The following HCRTR2 variants were observed in gnomAD, a reference collection of about 807,000 sequenced individuals.
HCRTR2 encodes the protein orexin receptor type 2.
A neutral mutation model predicts 49.0 loss-of-function variants in HCRTR2; 22 were observed. The observed-to-expected ratio is 0.45, with a 90% confidence interval of 0.32 to 0.64. The LOEUF is 0.64. Among genes scored for constraint, HCRTR2 ranks in the 30% least tolerant of loss-of-function variants. The probability of loss-of-function intolerance (pLI) is 0.04; values close to 1 mark genes in which losing one functional copy is unlikely to be tolerated. For missense variants in HCRTR2, 491 were observed against 559.4 expected (o/e 0.88, Z 1.23); for synonymous variants, 236 against 205.3 (o/e 1.15, Z -1.28).
At chr6:55,130,893 C>T (rs967543147) in intron 1 of HCRTR2, among the ~76,000 whole-genome samples, 1 of 151,968 alleles carries the variant, frequency 6.6e-6, no homozygotes, top group South Asian at 2.1e-4. Context: ...GGCAAATCTT[C>T]ATGTACAAAA....
intron 2 of HCRTR2, among the ~76,000 whole-genome samples, chr6:55,253,617 G>A (rs558385992): frequency 1.3e-5 from 2 of 152,146 alleles, no homozygotes; most frequent in African/African-American, 4.8e-5. Flanking sequence ...ACAAAAACGT[G>A]GAATCAACCT....
intron 1 of HCRTR2, among the ~76,000 whole-genome samples, chr6:55,133,687 ATC>A (rs1561982270): frequency 6.7e-5 from 10 of 149,948 alleles, no homozygotes; most frequent in African/African-American, 2.5e-4. Context: ...CTATCTATCT[ATC>A]TATCTATCTA....
At chr6:55,206,329 T>G (rs1435336636) in intron 1 of HCRTR2, among the ~76,000 whole-genome samples, 2 of 152,088 alleles carry the variant, frequency 1.3e-5, no homozygotes, top group Non-Finnish European at 2.9e-5. Flanking sequence ...AATGTAAAAT[T>G]GCAAGACAAT....
At chr6:55,263,907 C>T (rs1562026666) in intron 4 of HCRTR2, 85 bp downstream of exon 4, 3 of 862,844 alleles carry the variant, frequency 3.5e-6, no homozygotes, top group Admixed American at 2.0e-5. Flanking sequence ...TTTGTCTGTG[C>T]TTTTTTTTTA....
intron 1 of HCRTR2, among the ~76,000 whole-genome samples, chr6:55,123,715 T>A (rs1350410695): frequency 1.3e-5 from 2 of 152,212 alleles, no homozygotes; most frequent in Non-Finnish European, 2.9e-5. Flanking sequence ...CAGCTCCTTT[T>A]TCTACCTCTG....
At chr6:55,274,598 A>T (rs538665384) in intron 4 of HCRTR2, among the ~76,000 whole-genome samples, 1 of 151,940 alleles carries the variant, frequency 6.6e-6, no homozygotes, top group South Asian at 2.1e-4. Context: ...TTCTTCTTGT[A>T]TTGGCTCAAA....
chr6:55,251,136 C>T (rs1437632410), intron 2 of HCRTR2, among the ~76,000 whole-genome samples: 1 of 152,048 alleles, frequency 6.6e-6, no homozygotes, highest in African/African-American at 2.4e-5. Flanking sequence ...ACTTATATCC[C>T]TGATATGATA....
chr6:55,203,515 A>G (rs1257022812), intron 1 of HCRTR2, among the ~76,000 whole-genome samples: 1 of 152,196 alleles, frequency 6.6e-6, no homozygotes, highest in Admixed American at 6.5e-5. Flanking sequence ...ACAAGTAGTA[A>G]GTAAAATATG....
chr6:55,146,590 A>AC (rs1554167999), intron 1 of HCRTR2, among the ~76,000 whole-genome samples: 1 of 149,114 alleles, frequency 6.7e-6, no homozygotes, highest in African/African-American at 2.5e-5. Flanking sequence ...AAAAAAAAAA[A>AC]AACAAGCTTT....
Position 55,174,541 on chromosome 6 carries a change from G to C in HCRTR2, c.-47G>C, listed in dbSNP as rs201875216. The C allele has an allele frequency of 6.7e-7, 1 of 1,483,906 alleles. No homozygotes were observed. The highest frequency in any genetic ancestry group is 1.4e-5 in the African/African-American group (1 of 72,320). The allele number at this position is 1,483,906 out of a possible 1,614,324, so 91.9% of individuals were successfully genotyped here. A position where few individuals can be genotyped will look rare whatever the true frequency, so the allele number is the denominator to read the frequency against. ...CAAATCACCAGTGCTCATGGGGCAG[G>C]CGGAGAGGAGCTTGCAGCATTGAGC... On this transcript the variant is annotated 5_prime_UTR_variant, in exon 1 of 7. Coordinates refer to ENST00000370862, the MANE Select transcript of HCRTR2 (RefSeq NM_001384272.1).
chr6:55,140,244 T>C (rs1764489204), intron 1 of HCRTR2, among the ~76,000 whole-genome samples: 1 of 152,184 alleles, frequency 6.6e-6, no homozygotes, highest in Non-Finnish European at 1.5e-5. Flanking sequence ...GCCTCCTTTT[T>C]TCCATTATAT....
At chr6:55,240,013 G>A (rs1012737544) in intron 1 of HCRTR2, among the ~76,000 whole-genome samples, 3 of 151,828 alleles carry the variant, frequency 2.0e-5, no homozygotes, top group African/African-American at 7.3e-5. Context: ...CTGACCGCGG[G>A]TGATCCCCCC....
chr6:55,232,433 A>T (rs1307761068), intron 1 of HCRTR2, among the ~76,000 whole-genome samples: 1 of 152,186 alleles, frequency 6.6e-6, no homozygotes, highest in Non-Finnish European at 1.5e-5. Context: ...TCTTTCCTTG[A>T]ATAGAGTCGA....
At chr6:55,235,265 T>C (rs1181263766) in intron 1 of HCRTR2, among the ~76,000 whole-genome samples, 1 of 152,082 alleles carries the variant, frequency 6.6e-6, no homozygotes, top group African/African-American at 2.4e-5. Context: ...TACAAGGGTA[T>C]GTACACTCTG....
At chr6:55,266,695 G>T (rs1431102607) in intron 4 of HCRTR2, among the ~76,000 whole-genome samples, 1 of 151,978 alleles carries the variant, frequency 6.6e-6, no homozygotes, top group Non-Finnish European at 1.5e-5. Flanking sequence ...TTTCAAGGTT[G>T]CAATGTATCT....
intron 1 of HCRTR2, among the ~76,000 whole-genome samples, chr6:55,175,079 G>A (rs1159956409): frequency 1.3e-5 from 2 of 152,128 alleles, no homozygotes; most frequent in African/African-American, 4.8e-5. Context: ...ACAAGCGCAG[G>A]GAGAGGGGCC....
rs1206208222 is a variant in HCRTR2 at position 55,199,841 on chromosome 6, G to T, written c.223+25031G>T. On this transcript the variant is annotated intron_variant, in intron 1 of 6. Transcript: ENST00000370862. Reference sequence around the variant, plus strand: ...CATGAAGGAAATGAAAAATATATAAGGGAAGGATTTAATCAGTCAGGCAAA... The same window carrying T: ...CATGAAGGAAATGAAAAATATATAATGGAAGGATTTAATCAGTCAGGCAAA... Among the ~76,000 whole-genome samples the T allele has an allele frequency of 3.9e-5, 6 of 152,126 alleles. No individual in the cohort carries two copies. The South Asian group carries it at 1.0e-3, about 26-fold the overall frequency.
intron 1 of HCRTR2, among the ~76,000 whole-genome samples, chr6:55,134,163 A>G (rs995189900): frequency 2.0e-5 from 3 of 151,886 alleles, no homozygotes; most frequent in African/African-American, 7.2e-5. Context: ...AGTGAATTTC[A>G]TAAGTTGGGT....
At position 55,174,555 on chromosome 6, in the gene HCRTR2, G is replaced by A; in HGVS notation, c.-33G>A. Reference sequence around the variant, plus strand: ...TCATGGGGCAGGCGGAGAGGAGCTTGCAGCATTGAGCGGAACCGGACTTGA... The same window carrying A: ...TCATGGGGCAGGCGGAGAGGAGCTTACAGCATTGAGCGGAACCGGACTTGA... On this transcript the variant is annotated 5_prime_UTR_variant, in exon 1 of 7. Transcript: ENST00000370862. 1 of 1,559,422 alleles carries A rather than the reference G, an allele frequency of 6.4e-7. No individual in the cohort carries two copies. The highest frequency in any genetic ancestry group is 8.8e-7 in the Non-Finnish European group (1 of 1,130,442).
Sources: gnomAD v4.1 joint callset for allele counts (sites outside exome capture counted in the v4.1 genomes callset) on GRCh38, gnomAD v4.1.1 for gene constraint, MANE v1.5 for transcripts, NCBI Gene and HGNC (gene_info 2026-07-23, HGNC 2026-07-21) for gene names.